DCC: variants seen among roughly 807,000 people sequenced by gnomAD.
DCC encodes the protein DCC netrin 1 receptor.
In DCC, 58 loss-of-function variants were observed where a neutral mutation model predicts 172.5. The ratio of observed to expected loss-of-function variants is 0.34; its 90% CI spans 0.27 to 0.42. The LOEUF (loss-of-function observed/expected upper bound fraction) is 0.42, where lower values mean the gene tolerates loss of function less well. Ranked by LOEUF, DCC falls within the 10% of genes least tolerant of loss-of-function variation. The probability of loss-of-function intolerance (pLI) is 1.00; values close to 1 mark genes in which losing one functional copy is unlikely to be tolerated. For synonymous variants in DCC, 709 were observed against 644.5 expected (o/e 1.10, Z -1.52); for missense variants, 1,740 against 1,791.0 (o/e 0.97, Z 0.51).
At chr18:52,527,267 T>C (rs577331277) in intron 1 of DCC, among the ~76,000 whole-genome samples, 54 of 152,372 alleles carry the variant, frequency 3.5e-4, no homozygotes, top group African/African-American at 1.3e-3. Flanking sequence ...ATCCACATAC[T>C]GTATTCAGTC....
chr18:53,150,714 A>G lies in DCC; in HGVS notation c.1262-6642A>G, dbSNP rs968267042. Among the ~76,000 whole-genome samples the G allele has an allele frequency of 4.6e-5, 7 of 152,214 alleles. No individual in the cohort carries two copies. In the East Asian group the frequency reaches 9.6e-4, roughly 21 times the overall value. ...TCAGGGCAGCAAAGCAATTGGAGGA[A>G]GGTATTCCAGCTGAGTTTGCAGCAC... On this transcript the variant is annotated intron_variant, in intron 7 of 28. Coordinates refer to ENST00000442544, the MANE Select transcript of DCC (RefSeq NM_005215.4).
intron 1 of DCC, among the ~76,000 whole-genome samples, chr18:52,367,022 C>T (rs1984897261): frequency 1.3e-5 from 2 of 152,322 alleles, no homozygotes; most frequent in African/African-American, 2.4e-5. Context: ...TCAGGCATGG[C>T]GGGCTACAGG....
At chr18:53,272,864 T>C (rs1213508079) in intron 12 of DCC, among the ~76,000 whole-genome samples, 1 of 152,160 alleles carries the variant, frequency 6.6e-6, no homozygotes, top group East Asian at 1.9e-4. Flanking sequence ...TTAAATAGCA[T>C]TTAAATATCA....
Position 52,460,059 on chromosome 18 carries a change from C to T in DCC, c.91+119181C>T, listed in dbSNP as rs188011883. Among the ~76,000 whole-genome samples the T allele has an allele frequency of 3.8e-4, 58 of 152,208 alleles. 1 individual carries two copies. In the South Asian group the frequency reaches 0.01, roughly 27 times the overall value. ...TCTTTATGGTAGAGCATAGATCATT[C>T]TTATCAACACACAGCCTGAGATATT... On this transcript the variant is annotated intron_variant, in intron 1 of 28. Transcript: ENST00000442544.
At chr18:52,953,000 C>CAAAAAAAAAAAAAAAAAAAA (rs11315976) in intron 5 of DCC, among the ~76,000 whole-genome samples, 1 of 52,220 alleles carries the variant, frequency 1.9e-5, no homozygotes, top group African/African-American at 8.2e-5. Context: ...TCTCCTGTCT[C>CAAAAAAAAAAAAAAAAAAAA]AAAAAAAAAA....
intron 11 of DCC, among the ~76,000 whole-genome samples, chr18:53,209,639 C>G (rs971004097): frequency 1.3e-5 from 2 of 152,128 alleles, no homozygotes; most frequent in Non-Finnish European, 2.9e-5. Flanking sequence ...GTATTTTATA[C>G]GTAATACCAC....
intron 5 of DCC, among the ~76,000 whole-genome samples, chr18:52,976,635 C>T (rs544373505): frequency 6.6e-6 from 1 of 152,304 alleles, no homozygotes; most frequent in East Asian, 1.9e-4. Context: ...TCACAAATAT[C>T]TTAATTCAAA....
At chr18:52,784,344 G>A (rs1171703837) in intron 2 of DCC, among the ~76,000 whole-genome samples, 1 of 151,956 alleles carries the variant, frequency 6.6e-6, no homozygotes, top group Non-Finnish European at 1.5e-5. Flanking sequence ...TTCCTATCTT[G>A]GCTATTGTGA....
chr18:52,655,071 T>TG (rs2035219820), intron 1 of DCC, among the ~76,000 whole-genome samples: 2 of 152,314 alleles, frequency 1.3e-5, no homozygotes, highest in South Asian at 4.1e-4. Flanking sequence ...TGCACCTTTT[T>TG]ACATTAACCC....
At chr18:52,354,291 A>G in intron 1 of DCC, among the ~76,000 whole-genome samples, 1 of 152,150 alleles carries the variant, frequency 6.6e-6, no homozygotes, top group East Asian at 1.9e-4. Flanking sequence ...ACCCTGAAAG[A>G]TTTTCAGCAG....
chr18:52,983,503 T>C (rs1230165885), intron 5 of DCC, among the ~76,000 whole-genome samples: 2 of 152,180 alleles, frequency 1.3e-5, no homozygotes, highest in Non-Finnish European at 2.9e-5. Flanking sequence ...AGAAATAGGA[T>C]TGATTGCTAT....
intron 5 of DCC, among the ~76,000 whole-genome samples, chr18:52,980,406 T>A (rs1378215209): frequency 2.0e-5 from 3 of 152,170 alleles, no homozygotes; most frequent in Non-Finnish European, 2.9e-5. Flanking sequence ...TCTAGAAATT[T>A]CAGGGTCCGG....
At chr18:53,228,192 C>T (rs2056064857) in intron 12 of DCC, among the ~76,000 whole-genome samples, 1 of 151,184 alleles carries the variant, frequency 6.6e-6, no homozygotes, top group Non-Finnish European at 1.5e-5. Context: ...TTTTCAATGC[C>T]AATACAGATA....
chr18:53,392,522 T>C (rs559223977), intron 17 of DCC, among the ~76,000 whole-genome samples: 2 of 152,260 alleles, frequency 1.3e-5, no homozygotes, highest in East Asian at 3.9e-4. Context: ...CAGAGATACA[T>C]ATTTGAGACA....
chr18:52,857,344 T>C (rs1568149375), intron 2 of DCC, among the ~76,000 whole-genome samples: 1 of 152,222 alleles, frequency 6.6e-6, no homozygotes, highest in Non-Finnish European at 1.5e-5. Context: ...TTAAATTAGT[T>C]CTTTTTTTCT....
intron 1 of DCC, among the ~76,000 whole-genome samples, chr18:52,356,787 C>T (rs1196449511): frequency 3.2e-5 from 3 of 94,712 alleles, no homozygotes; most frequent in Non-Finnish European, 4.5e-5. Flanking sequence ...AAACCTAAAT[C>T]ATTTTTTTTT....
chr18:52,599,180 A>G (rs1002898354), intron 1 of DCC, among the ~76,000 whole-genome samples: 10 of 152,166 alleles, frequency 6.6e-5, no homozygotes, highest in Admixed American at 6.5e-4. Context: ...ACAGTAATCT[A>G]TCTGGGAGAT....
chr18:52,689,007 G>A (rs1376577404), intron 1 of DCC, among the ~76,000 whole-genome samples: 3 of 152,084 alleles, frequency 2.0e-5, no homozygotes, highest in Admixed American at 6.6e-5. Context: ...ATTAGGCTCA[G>A]CTTTAGGCAC....
chr18:53,163,483 G>A (rs986337156), intron 8 of DCC, among the ~76,000 whole-genome samples: 2 of 152,136 alleles, frequency 1.3e-5, no homozygotes, highest in African/African-American at 4.8e-5. Flanking sequence ...GGTTTATTTA[G>A]CTGCTTGACA....
Sources: gnomAD v4.1 joint callset for allele counts (sites outside exome capture counted in the v4.1 genomes callset) on GRCh38, gnomAD v4.1.1 for gene constraint, MANE v1.5 for transcripts, NCBI Gene and HGNC (gene_info 2026-07-23, HGNC 2026-07-21) for gene names.